Variants in NELL2 observed in about 807,000 individuals in gnomAD.
NELL2 encodes the protein protein kinase C-binding protein NELL2.
Under a neutral mutation model 109.6 loss-of-function variants are expected in NELL2, and 41 were observed. The observed-to-expected ratio is 0.37, with a 90% CI of 0.29 to 0.49. The LOEUF is 0.49. NELL2 is among the 20% of genes least tolerant of loss of function. NELL2 has a pLI of 0.98. For missense variants in NELL2, 900 were observed against 1,008.3 expected, an observed-to-expected ratio of 0.89 and a Z score of 1.45; for synonymous variants, 355 against 344.7, an observed-to-expected ratio of 1.03 and a Z score of -0.33.
chr12:44,902,639 C>T (rs1285828288), intron 1 of NELL2, among the ~76,000 whole-genome samples: 4 of 152,144 alleles, frequency 2.6e-5, no homozygotes, highest in African/African-American at 4.8e-5. Context: ...ATCAAGCTAC[C>T]TGACTTCAAA....
intron 2 of NELL2, among the ~76,000 whole-genome samples, chr12:44,866,590 T>C (rs1287443917): frequency 1.0e-4 from 15 of 150,538 alleles, no homozygotes; most frequent in Admixed American, 9.9e-4. Context: ...AAAAACAAAA[T>C]AAGACCAAAG....
At chr12:44,674,788 T>A (rs1948252308) in intron 12 of NELL2, among the ~76,000 whole-genome samples, 1 of 152,170 alleles carries the variant, frequency 6.6e-6, no homozygotes, top group African/African-American at 2.4e-5. Flanking sequence ...TTAATAAAAG[T>A]CCGAGTCTTA....
intron 9 of NELL2, among the ~76,000 whole-genome samples, chr12:44,750,623 A>T (rs1940608508): frequency 6.6e-6 from 1 of 152,136 alleles, no homozygotes; most frequent in Non-Finnish European, 1.5e-5. Context: ...TGGAAAAGGA[A>T]TCTTTTTCAT....
chr12:44,713,245 CAGAGAG>C (rs1275685246), intron 10 of NELL2, among the ~76,000 whole-genome samples: 2 of 145,676 alleles, frequency 1.4e-5, no homozygotes, highest in African/African-American at 5.1e-5. Flanking sequence ...GAGAGAGAGA[CAGAGAG>C]AGAGAGAAAG....
intron 9 of NELL2, among the ~76,000 whole-genome samples, chr12:44,738,664 G>A (rs1232167127): frequency 1.3e-5 from 2 of 152,226 alleles, no homozygotes; most frequent in East Asian, 3.9e-4. Context: ...TGGTCAGGGG[G>A]AAGGAGAGGA....
intron 9 of NELL2, among the ~76,000 whole-genome samples, chr12:44,738,365 A>G (rs1174631668): frequency 1.3e-5 from 2 of 152,204 alleles, no homozygotes; most frequent in African/African-American, 4.8e-5. Context: ...TCACTGCAGC[A>G]GTATTCATAA....
intron 15 of NELL2, among the ~76,000 whole-genome samples, chr12:44,581,067 C>T (rs974875048): frequency 6.6e-6 from 1 of 152,086 alleles, no homozygotes; most frequent in South Asian, 2.1e-4. Flanking sequence ...ATGATTCAGT[C>T]ACTTATGAAA....
At chr12:44,905,086 T>C (rs1274444280) in intron 1 of NELL2, among the ~76,000 whole-genome samples, 1 of 152,102 alleles carries the variant, frequency 6.6e-6, no homozygotes, top group Non-Finnish European at 1.5e-5. Context: ...GATGTTCTTT[T>C]ACACGGATTA....
chr12:44,603,423 G>T, intron 15 of NELL2, among the ~76,000 whole-genome samples: 1 of 152,088 alleles, frequency 6.6e-6, no homozygotes, highest in East Asian at 1.9e-4. Context: ...AGATAGCTTT[G>T]TATATTAATT....
intron 15 of NELL2, among the ~76,000 whole-genome samples, chr12:44,582,386 T>C (rs1238177526): frequency 6.6e-6 from 1 of 152,030 alleles, no homozygotes; most frequent in African/African-American, 2.4e-5. Context: ...CTGGGCAATA[T>C]GATATTTGGA....
chr12:44,876,754 G>GC (rs763000764), upstream of NELL2: 1 of 1,496,212 alleles, frequency 6.7e-7, no homozygotes, highest in South Asian at 1.3e-5. Context: ...CTCCGGAGCA[G>GC]CCCCGGGGTG....
rs1024452888 is a variant in NELL2 at position 44,519,911 on chromosome 12, A to C, written c.2400+94T>G. 9.8e-6 allele frequency: 11 copies of C among 1,126,170 alleles called. No individual in the cohort carries two copies. The Admixed American group carries it at 1.3e-4, about 13-fold the overall frequency. The allele number at this position is 1,126,170 out of a possible 1,614,324, so 69.8% of individuals were successfully genotyped here. A position where few individuals can be genotyped will look rare whatever the true frequency, so the allele number is the denominator to read the frequency against. ...GAAAAATAAACAGGAAAAAAAAAAA[A>C]AACCTTCCTATTGTCCAGGTAGAGC... On this transcript the variant is annotated intron_variant, in intron 19 of 19. Coordinates refer to ENST00000429094, the MANE Select transcript of NELL2 (RefSeq NM_001145108.2).
In NELL2 at chr12:44,902,758, A is replaced by C. The variant is rs553116578; in HGVS notation, c.38+11041T>G. 2.6e-5 allele frequency among the ~76,000 whole-genome samples: 4 copies of C among 152,276 alleles called. No homozygotes were observed. The East Asian group carries it at 7.7e-4, about 29-fold the overall frequency. On this transcript the variant is annotated intron_variant, in intron 1 of 20. Transcript: ENST00000333837. Reference sequence around the variant, plus strand: ...CTTAGAAATAACACCACACATCTACAACCATCTGATCTTTCACAAACCTGA... The same window carrying C: ...CTTAGAAATAACACCACACATCTACCACCATCTGATCTTTCACAAACCTGA...
At chr12:44,723,393 C>A (rs2136458283) in intron 9 of NELL2, among the ~76,000 whole-genome samples, 1 of 152,172 alleles carries the variant, frequency 6.6e-6, no homozygotes, top group South Asian at 2.1e-4. Context: ...TCAGTAGAAG[C>A]CTTTTTATCC....
upstream of NELL2, among the ~76,000 whole-genome samples, chr12:44,914,653 C>A (rs991983181): frequency 6.6e-6 from 1 of 152,108 alleles, no homozygotes; most frequent in Non-Finnish European, 1.5e-5. Context: ...GATATATTCC[C>A]ACAACCTAGA....
chr12:44,701,585 G>T (rs632481), intron 12 of NELL2, among the ~76,000 whole-genome samples: 72,859 of 151,836 alleles, frequency 0.48, 18,508 homozygotes, highest in Non-Finnish European at 0.58. Flanking sequence ...TCCATGTGTT[G>T]CTCAGATTCC....
chr12:44,638,723 G>C (rs1946738972), intron 13 of NELL2, among the ~76,000 whole-genome samples: 1 of 152,280 alleles, frequency 6.6e-6, no homozygotes, highest in East Asian at 1.9e-4. Flanking sequence ...AACACATCTT[G>C]TAACAACTCA....
intron 10 of NELL2, among the ~76,000 whole-genome samples, chr12:44,713,910 G>A (rs1938347428): frequency 6.6e-6 from 1 of 151,708 alleles, no homozygotes; most frequent in African/African-American, 2.4e-5. Context: ...ACCATGTATA[G>A]GAGGTATTTA....
intron 13 of NELL2, among the ~76,000 whole-genome samples, chr12:44,656,056 T>C (rs1488193538): frequency 6.6e-6 from 1 of 152,234 alleles, no homozygotes; most frequent in Non-Finnish European, 1.5e-5. Flanking sequence ...TGTCTGATTG[T>C]TGACTGTGGC....
Sources: allele counts gnomAD v4.1 joint callset (sites outside exome capture counted in the v4.1 genomes callset), GRCh38; gene constraint gnomAD v4.1.1; transcripts MANE v1.5; gene names NCBI Gene and HGNC (gene_info 2026-07-23, HGNC 2026-07-21).